PROSER3: variants seen among roughly 807,000 people sequenced by gnomAD.
PROSER3 encodes proline and serine-rich protein 3.
A neutral mutation model predicts 50.2 loss-of-function variants in PROSER3; 33 were observed. That is an observed-to-expected ratio of 0.66 (90% confidence interval 0.50 to 0.88). The LOEUF is 0.88. Ranked by LOEUF, PROSER3 falls within the 40% of genes least tolerant of loss-of-function variation. The pLI, the probability that PROSER3 is intolerant of heterozygous loss-of-function variation, is 0.00. For synonymous variants in PROSER3, 266 were observed against 259.3 expected (o/e 1.03, Z -0.25); for missense variants, 623 against 612.7 (o/e 1.02, Z -0.18).
chr19:35,762,094 CT>C lies in PROSER3; in HGVS notation c.391del (p.Trp131GlyfsTer36). 6 of 1,611,044 alleles carry C rather than the reference CT, an allele frequency of 3.7e-6. No individual in the cohort carries two copies. Among genetic ancestry groups the C allele is most frequent in the Non-Finnish European group, 5.1e-6 (6 of 1,177,540 alleles). On this transcript the variant is annotated frameshift_variant, in exon 4 of 11. Coordinates refer to ENST00000396908, the Ensembl canonical transcript of PROSER3. LOFTEE classifies it high-confidence loss of function. ...AGCCTGCAGGCCCAACCCCAGCTGA[CT>C]TTTGGTGGCTGCAGTCTGACTCTCC...
At chr19:35,765,986 C>T (rs557111535) in intron 7 of PROSER3, among the ~76,000 whole-genome samples, 25 of 152,068 alleles carry the variant, frequency 1.6e-4, no homozygotes, top group East Asian at 7.7e-4. Flanking sequence ...CGCCTTTTAC[C>T]GGGAGAGAGG....
At chr19:35,765,690 GCTAATTGTTTTTATTTTT>G (rs1206532576) in intron 7 of PROSER3, among the ~76,000 whole-genome samples, 1 of 152,084 alleles carries the variant, frequency 6.6e-6, no homozygotes, top group Non-Finnish European at 1.5e-5. Flanking sequence ...ACTATGCCCA[GCTAATTGTTTTTATTTTT>G]TTATTTGTTG....
At chr19:35,762,537 T>G in intron 5 of PROSER3, 181 bp downstream of exon 5, 1 of 436,646 alleles carries the variant, frequency 2.3e-6, no homozygotes. Context: ...GGTGAGATTC[T>G]GCCTCTACTA....
chr19:35,759,330 G>A, intron 1 of PROSER3, 44 bp from the exon 2 acceptor site: 2 of 1,524,558 alleles, frequency 1.3e-6, no homozygotes, highest in Non-Finnish European at 1.8e-6. Flanking sequence ...CCCCAGGGCT[G>A]CGGCGAAACC....
chr19:35,760,068 T>C (rs1970907031), intron 3 of PROSER3, 77 bp downstream of exon 3: 1 of 1,359,182 alleles, frequency 7.4e-7, no homozygotes, highest in Non-Finnish European at 9.9e-7. Context: ...ATAATCATCA[T>C]GGCCAGAGCT....
chr19:35,766,666 A>G, intron 7 of PROSER3, 102 bp from the exon 8 acceptor site: 1 of 787,370 alleles, frequency 1.3e-6, no homozygotes, highest in South Asian at 1.9e-5. Context: ...AGCCTGTCTG[A>G]GTAACCCCCT....
At chr19:35,759,535 T>C in intron 2 of PROSER3, 65 bp downstream of exon 2, 1 of 1,404,198 alleles carries the variant, frequency 7.1e-7, no homozygotes, top group Non-Finnish European at 9.9e-7. Context: ...CTTTAGAGGG[T>C]AGGAAGACAT....
chr19:35,758,319 AGTCGC>A, intron 1 of PROSER3, 93 bp downstream of exon 1: 1 of 1,444,382 alleles, frequency 6.9e-7, no homozygotes, highest in Non-Finnish European at 9.2e-7. Context: ...TACGGTCTGG[AGTCGC>A]TAGGGCTCCA....
chr19:35,768,473 C>G, exon 11 of PROSER3: 1 of 1,598,192 alleles, frequency 6.3e-7, no homozygotes, highest in Non-Finnish European at 8.5e-7. Flanking sequence ...CCCCTCCAGC[C>G]GGGTCGCCCC....
exon 2 of PROSER3, chr19:35,759,398 T>C: frequency 6.2e-7 from 1 of 1,613,730 alleles, no homozygotes; most frequent in Non-Finnish European, 8.5e-7. Flanking sequence ...CCATTCAAGA[T>C]AGTCCCTTTG....
chr19:35,764,727 A>C (rs1464381715), intron 5 of PROSER3, 127 bp from the exon 6 acceptor site: 1 of 754,400 alleles, frequency 1.3e-6, no homozygotes, highest in Non-Finnish European at 2.1e-6. Flanking sequence ...GAGGAGGAGG[A>C]GCAGATCCTA....
intron 7 of PROSER3, among the ~76,000 whole-genome samples, chr19:35,765,818 ATG>A (rs1217551737): frequency 6.6e-6 from 1 of 152,118 alleles, no homozygotes; most frequent in African/African-American, 2.4e-5. Flanking sequence ...GGTTATAAGA[ATG>A]GGCCATTCGT....
chr19:35,767,515 A>C, intron 8 of PROSER3: 1 of 437,174 alleles, frequency 2.3e-6, no homozygotes, highest in Non-Finnish European at 4.1e-6. Flanking sequence ...TCCCTGACCC[A>C]AGCAGCTGTG....
At chr19:35,767,230 C>T (rs1311451303) in intron 8 of PROSER3, 1 of 406,074 alleles carries the variant, frequency 2.5e-6, no homozygotes, top group East Asian at 4.2e-5. Context: ...TTTGGGCCCC[C>T]AGCTCCCACG....
At chr19:35,765,557 GCGACAGAGAGAGA>G (rs1971115638) in intron 7 of PROSER3, among the ~76,000 whole-genome samples, 1 of 151,992 alleles carries the variant, frequency 6.6e-6, no homozygotes, top group Non-Finnish European at 1.5e-5. Context: ...TCCAGCTTGG[GCGACAGAGAGAGA>G]CTCCATCTCA....
intron 1 of PROSER3, 40 bp downstream of exon 1, chr19:35,758,266 G>A (rs1358056473): frequency 1.9e-6 from 3 of 1,556,310 alleles, no homozygotes; most frequent in South Asian, 2.4e-5. Context: ...AGGAGGCTGG[G>A]GAGGACCAAC....
intron 2 of PROSER3, 88 bp from the exon 3 acceptor site, chr19:35,759,701 C>A: frequency 7.7e-7 from 1 of 1,299,142 alleles, no homozygotes; most frequent in East Asian, 2.5e-5. Flanking sequence ...CCCCTCTGGA[C>A]TGAGACTTTG....
Position 35,765,033 on chromosome 19 carries a change from G to A in PROSER3, c.627-1G>A, listed in dbSNP as rs1172265418. 6.2e-7 allele frequency: 1 copy of A among 1,613,272 alleles called. No homozygotes were observed. Among genetic ancestry groups the A allele is most frequent in the African/African-American group, 1.3e-5 (1 of 75,034 alleles). ...GCCTCACTCCTGCCTTCTCCCTGCA[G>A]CAAAGCCTCCATCTCCTCCTCCTCC... On this transcript the variant is annotated splice_acceptor_variant, in intron 6 of 10. Transcript: ENST00000396908. LOFTEE classifies it high-confidence loss of function.
At chr19:35,765,546 C>T (rs1431733072) in intron 7 of PROSER3, among the ~76,000 whole-genome samples, 2 of 151,932 alleles carry the variant, frequency 1.3e-5, no homozygotes, top group Non-Finnish European at 2.9e-5. Flanking sequence ...CGCCATTGCA[C>T]TCCAGCTTGG....
Sources: allele counts gnomAD v4.1 joint callset (sites outside exome capture counted in the v4.1 genomes callset), GRCh38; gene constraint gnomAD v4.1.1; transcripts MANE v1.5; gene names NCBI Gene and HGNC (gene_info 2026-07-23, HGNC 2026-07-21).